DKC1: variants seen among roughly 807,000 people sequenced by gnomAD.
DKC1 encodes dyskerin pseudouridine synthase 1, also known as H/ACA ribonucleoprotein complex subunit DKC1.
Under a neutral mutation model 46.7 loss-of-function variants are expected in DKC1, and 4 were observed. The observed-to-expected ratio is 0.09, with a 90% CI of 0.04 to 0.20. The LOEUF (loss-of-function observed/expected upper bound fraction) is 0.20, where lower values mean the gene tolerates loss of function less well. DKC1 is among the 10% of genes least tolerant of loss of function. The probability of loss-of-function intolerance (pLI) is 1.00; values close to 1 mark genes in which losing one functional copy is unlikely to be tolerated. For synonymous variants in DKC1, 141 were observed against 142.4 expected, an observed-to-expected ratio of 0.99 and a Z score of 0.07; for missense variants, 171 against 404.2, an observed-to-expected ratio of 0.42 and a Z score of 4.95.
chrX:154,763,475 T>C (rs2148507992), intron 1 of DKC1, among the ~76,000 whole-genome samples: 1 of 112,162 alleles, frequency 8.9e-6, no homozygotes. Flanking sequence ...TATGGAACTT[T>C]CCGGCCCCCT....
Position 154,769,179 on chromosome X carries a change from A to G in DKC1, c.784A>G (p.Thr262Ala), listed in dbSNP as rs2071790695. 8.3e-7 allele frequency: 1 copy of G among 1,208,736 alleles called. No homozygotes were observed. The highest frequency in any genetic ancestry group is 1.8e-5 in the African/African-American group (1 of 56,846). The change falls in exon 9 of 15, where the codon ACA becomes GCA. Residue 262 changes from threonine (T) to alanine (A), a missense_variant. Physicochemically the swap from Thr to Ala is moderately conservative, Grantham distance 58 (BLOSUM62 0). Around this residue, in one of 4 missense-constraint regions of DKC1, gnomAD observed 60 missense variants for 206.5 expected, o/e 0.29. Coordinates refer to ENST00000369550, the MANE Select transcript of DKC1 (RefSeq NM_001363.5). Reference sequence around the variant, plus strand: ...GGCTGCTTTTCAGGACCACATGGTGACAATGCATGATGTGCTTGATGCTCA... The same window carrying G: ...GGCTGCTTTTCAGGACCACATGGTGGCAATGCATGATGTGCTTGATGCTCA... ...GVMSEKDHMV[T>A]MHDVLDAQWL...
At chrX:154,763,385 A>G (rs2071705509) in intron 1 of DKC1, among the ~76,000 whole-genome samples, 1 of 112,051 alleles carries the variant, frequency 8.9e-6, no homozygotes, top group South Asian at 3.7e-4. Context: ...GAGCGGAGGG[A>G]CCCCGGAGCA....
rs1557264467 is a variant in DKC1 at position 154,768,289 on chromosome X, G to A, written c.641-13G>A. 8.3e-7 allele frequency: 1 copy of A among 1,211,403 alleles called. No homozygotes were observed. Among genetic ancestry groups the A allele is most frequent in the East Asian group, 3.0e-5 (1 of 33,864 alleles). On this transcript the variant is annotated splice_polypyrimidine_tract_variant and intron_variant, in intron 7 of 14. Transcript: ENST00000369550. ...AGTAGGTGCTGCTTTTCTTTTGTGTGTGTGTATCTTAGGAATCTTTTGGGT... is the reference window on the plus strand; with the variant it reads ...AGTAGGTGCTGCTTTTCTTTTGTGTATGTGTATCTTAGGAATCTTTTGGGT...
intron 11 of DKC1, among the ~76,000 whole-genome samples, chrX:154,774,258 CTGTT>C (rs2071866527): frequency 9.0e-6 from 1 of 111,700 alleles, no homozygotes. Flanking sequence ...AAGGGATTGT[CTGTT>C]AAGCCACACC....
chrX:154,764,875 C>T, intron 1 of DKC1, 24 bp from the exon 2 acceptor site: 1 of 1,161,024 alleles, frequency 8.6e-7, no homozygotes, highest in Non-Finnish European at 1.2e-6. Context: ...GGAAAATTCC[C>T]AAATCCTGTG....
In DKC1 at chrX:154,768,284, T is replaced by C; in HGVS notation, c.641-18T>C. ...TTTACAGTAGGTGCTGCTTTTCTTT[T>C]GTGTGTGTGTATCTTAGGAATCTTT... On this transcript the variant is annotated intron_variant, in intron 7 of 14. Coordinates refer to ENST00000369550, the MANE Select transcript of DKC1 (RefSeq NM_001363.5). 8.3e-7 allele frequency: 1 copy of C among 1,208,600 alleles called. No homozygotes were observed. Among genetic ancestry groups the C allele is most frequent in the Non-Finnish European group, 1.1e-6 (1 of 892,995 alleles).
intron 9 of DKC1, 137 bp from the exon 10 acceptor site, chrX:154,770,622 T>G: frequency 1.2e-6 from 1 of 830,553 alleles, no homozygotes; most frequent in Non-Finnish European, 1.8e-6. Context: ...TCATGCCCCT[T>G]GCAGCTAGTG....
Position 154,775,241 on chromosome X carries a change from C to G in DKC1, c.1306C>G (p.Gln436Glu). 2.5e-6 allele frequency: 3 copies of G among 1,211,735 alleles called. No individual in the cohort carries two copies. Among genetic ancestry groups the G allele is most frequent in the Non-Finnish European group, 3.4e-6 (3 of 895,486 alleles). Reference sequence around the variant, plus strand: ...GGTTGCTGAAGTGGTAAAAGCCCCGCAGGTAGTTGCCGAAGCAGCAAAAAC... The same window carrying G: ...GGTTGCTGAAGTGGTAAAAGCCCCGGAGGTAGTTGCCGAAGCAGCAAAAAC... Reference protein sequence around the residue: ...EVVAEVVKAPQVVAEAAKTAK... With the variant: ...EVVAEVVKAPEVVAEAAKTAK... Residue 436 changes from glutamine to glutamate, a missense_variant, in exon 13 of 15, where the codon CAG becomes GAG. By Grantham distance (29) the Gln-to-Glu change is conservative (BLOSUM62 2). Coordinates refer to ENST00000369550, the MANE Select transcript of DKC1 (RefSeq NM_001363.5).
In DKC1 at chrX:154,774,676, C is replaced by T; in HGVS notation, c.1230C>T (p.Ala410=). 1 of 1,211,206 alleles carries T rather than the reference C, an allele frequency of 8.3e-7. No homozygotes were observed. Among genetic ancestry groups the T allele is most frequent in the Non-Finnish European group, 1.1e-6 (1 of 894,981 alleles). ...KHGKPTDSTP[A]TWKQEYVDYS... ...GGAAGCCCACAGACAGCACACCTGC[C>T]ACCTGGAAGCAGGAGTATGTTGACT... The change falls in exon 12 of 15, where the codon GCC becomes GCT. Residue 410 remains alanine (A), a synonymous_variant. Transcript: ENST00000369550.
At position 154,776,212 on chromosome X, in the gene DKC1, G is replaced by A. The variant is rs1279788505; in HGVS notation, c.1364G>A (p.Ser455Asn). 1 of 1,210,478 alleles carries A rather than the reference G, an allele frequency of 8.3e-7. No individual in the cohort carries two copies. Among genetic ancestry groups the A allele is most frequent in the Non-Finnish European group, 1.1e-6 (1 of 895,187 alleles). ...AKRKRESESE[S>N]DETPPAAPQL... ...CGGAAGCGAGAGAGTGAGAGTGAAA[G>A]TGACGAGACTCCTCCAGCAGCTCCT... The change falls in exon 14 of 15, where the codon AGT becomes AAT. Residue 455 changes from serine to asparagine, a missense_variant. Ser to Asn is a conservative substitution (Grantham distance 46, BLOSUM62 1). Coordinates refer to ENST00000369550, the MANE Select transcript of DKC1 (RefSeq NM_001363.5).
chrX:154,765,257 T>C (rs1603429390), intron 2 of DKC1, 187 bp from the exon 3 acceptor site: 1 of 527,176 alleles, frequency 1.9e-6, no homozygotes, highest in Admixed American at 2.6e-5. Context: ...TGGACCCATC[T>C]TAGTGACATT....
intron 7 of DKC1, 73 bp from the exon 8 acceptor site, chrX:154,768,229 G>A (rs1557264451): frequency 8.7e-7 from 1 of 1,154,712 alleles, no homozygotes; most frequent in South Asian, 1.8e-5. Flanking sequence ...CTCAGATGAA[G>A]GATAACTGCA....
chrX:154,766,572 C>T (rs1213484620), intron 5 of DKC1, 172 bp downstream of exon 5: 18 of 486,416 alleles, frequency 3.7e-5, no homozygotes, highest in South Asian at 1.7e-4. Flanking sequence ...CTTGGTGGTC[C>T]GCGCTTTTTG....
In DKC1 at chrX:154,774,843, A is replaced by C. The variant is rs184370358; in HGVS notation, c.1259+138A>C. 1.5e-4 allele frequency: 90 copies of C among 603,547 alleles called. No homozygotes were observed. In the African/African-American group the frequency reaches 1.8e-3, roughly 12 times the overall value. 49.7% of individuals were successfully genotyped at this position (603,547 alleles called of 1,213,427 possible). On this transcript the variant is annotated intron_variant, in intron 12 of 14. Transcript: ENST00000369550. ...CTGGACGCAGGAGTACATGGACAACAGGTGAGGAACAGGTGAGCATGGAGG... is the reference window on the plus strand; with the variant it reads ...CTGGACGCAGGAGTACATGGACAACCGGTGAGGAACAGGTGAGCATGGAGG...
intron 9 of DKC1, among the ~76,000 whole-genome samples, 181 bp downstream of exon 9, chrX:154,769,491 A>G (rs892961749): frequency 3.6e-5 from 4 of 111,979 alleles, no homozygotes; most frequent in African/African-American, 1.3e-4. Flanking sequence ...GGCCAGGCAC[A>G]GTGGCTGATG....
In DKC1 at chrX:154,774,634, C is replaced by T. The variant is rs2071871609; in HGVS notation, c.1188C>T (p.Gly396=). The T allele has an allele frequency of 7.4e-6, 9 of 1,211,651 alleles. No homozygotes were observed. Among genetic ancestry groups the T allele is most frequent in the African/African-American group, 1.7e-5 (1 of 57,821 alleles). ...ASQKKLMIKQ[G]LLDKHGKPTD... ...AGAAGAAGCTGATGATCAAGCAGGG[C>T]CTTCTGGACAAGCATGGGAAGCCCA... Residue 396 remains glycine (G), a synonymous_variant, in exon 12 of 15, where the codon GGC becomes GGT. Coordinates refer to ENST00000369550, the MANE Select transcript of DKC1 (RefSeq NM_001363.5).
intron 14 of DKC1, 65 bp downstream of exon 14, chrX:154,776,389 A>G: frequency 1.7e-6 from 2 of 1,144,523 alleles, no homozygotes; most frequent in Non-Finnish European, 2.3e-6. Flanking sequence ...AGAATTACCC[A>G]GGTGGTACCA....
intron 9 of DKC1, 57 bp downstream of exon 9, chrX:154,769,367 T>C (rs2071793075): frequency 8.9e-7 from 1 of 1,121,970 alleles, no homozygotes; most frequent in African/African-American, 1.8e-5. Context: ...AGATGAGGCT[T>C]GCTCTTTTTA....
Position 154,766,980 on chromosome X carries a change from C to T in DKC1, c.449-17C>T, listed in dbSNP as rs782803768. 3 of 1,209,309 alleles carry T rather than the reference C, an allele frequency of 2.5e-6. No homozygotes were observed. ...AACTCAGTGGCCACACCTGACTACT[C>T]TTTTGTCATTTTTCAGGCAAAGAGT... is the stretch of plus-strand genomic sequence containing the variant. On this transcript the variant is annotated splice_polypyrimidine_tract_variant and intron_variant, in intron 5 of 14. Coordinates refer to ENST00000369550, the MANE Select transcript of DKC1 (RefSeq NM_001363.5).
Sources: gnomAD v4.1 joint callset for allele counts (sites outside exome capture counted in the v4.1 genomes callset) on GRCh38, gnomAD v4.1.1 for gene constraint, gnomAD v4.1.1 regional missense constraint, MANE v1.5 for transcripts, NCBI Gene and HGNC (gene_info 2026-07-23, HGNC 2026-07-21) for gene names.